CSF2RB: variants seen among roughly 807,000 people sequenced by gnomAD.
The protein encoded by CSF2RB is cytokine receptor common subunit beta.
Under a neutral mutation model 67.2 loss-of-function variants are expected in CSF2RB, and 22 were observed. The observed-to-expected ratio is 0.33, with a 90% CI of 0.23 to 0.47. The LOEUF (loss-of-function observed/expected upper bound fraction) is 0.47, where lower values mean the gene tolerates loss of function less well. Ranked by LOEUF, CSF2RB falls within the 20% of genes least tolerant of loss-of-function variation. The pLI, the probability that CSF2RB is intolerant of heterozygous loss-of-function variation, is 1.00. For missense variants in CSF2RB, 1,113 were observed against 1,174.5 expected (o/e 0.95, Z 0.76); for synonymous variants, 507 against 482.9 (o/e 1.05, Z -0.65).
At chr22:36,935,820 T>C in intron 12 of CSF2RB, 133 bp downstream of exon 12, 1 of 1,003,514 alleles carries the variant, frequency 1.0e-6, no homozygotes. Flanking sequence ...TTTGGGAGCT[T>C]TGGGAGTGGG....
chr22:36,923,985 G>C (rs972489271), intron 3 of CSF2RB, among the ~76,000 whole-genome samples: 1 of 152,078 alleles, frequency 6.6e-6, no homozygotes, highest in East Asian at 1.9e-4. Flanking sequence ...GACCAGAATC[G>C]CTCTGGGGTG....
In CSF2RB at chr22:36,937,387, G is replaced by A. The variant is rs764738075; in HGVS notation, c.1579G>A (p.Val527Ile). ...ATTTTCTTCCCACAGGGTGTTCCCTGTAGGATTCGGGGACAGCGAGGTGTC... is the reference window on the plus strand; with the variant it reads ...ATTTTCTTCCCACAGGGTGTTCCCTATAGGATTCGGGGACAGCGAGGTGTC... ...RFPELEGVFP[V>I]GFGDSEVSPL... is the part of the protein sequence containing the mutation. The change falls in exon 14 of 14, where the codon GTA becomes ATA. Residue 527 changes from valine to isoleucine, a missense_variant. This residue lies in a region of CSF2RB where 554 missense variants were observed against 517.9 expected (regional missense o/e 1.07). Coordinates refer to ENST00000403662, the MANE Select transcript of CSF2RB (RefSeq NM_000395.3). This position sits in a 1 kb window ranked among gnomAD's most constrained non-coding sequence, Gnocchi z 4.6. The A allele has an allele frequency of 4.3e-6, 7 of 1,613,626 alleles. No individual in the cohort carries two copies. In the East Asian group the frequency reaches 8.9e-5, roughly 21 times the overall value.
At chr22:36,932,989 G>T (rs1045729460) in intron 9 of CSF2RB, 85 bp downstream of exon 9, 2 of 1,558,796 alleles carry the variant, frequency 1.3e-6, no homozygotes, top group South Asian at 1.2e-5. Flanking sequence ...CCTGCAAGGC[G>T]TCGGGCCCTT....
At chr22:36,935,074 T>C (rs1251034148) in intron 10 of CSF2RB, among the ~76,000 whole-genome samples, 1 of 152,184 alleles carries the variant, frequency 6.6e-6, no homozygotes, top group Non-Finnish European at 1.5e-5. Context: ...ACAGTGGTTC[T>C]TGCCCTCCCT....
intron 3 of CSF2RB, among the ~76,000 whole-genome samples, chr22:36,925,078 C>T (rs768868456): frequency 6.6e-6 from 1 of 152,250 alleles, no homozygotes; most frequent in Non-Finnish European, 1.5e-5. Context: ...CGCTCTCACC[C>T]GAGCTGCGCT....
At chr22:36,936,731 A>G (rs1941275836) in intron 13 of CSF2RB, 79 bp downstream of exon 13, 4 of 1,280,762 alleles carry the variant, frequency 3.1e-6, no homozygotes, top group Non-Finnish European at 4.4e-6. Context: ...CAGGGACTCA[A>G]GTGAGGCTGC....
intron 1 of CSF2RB, among the ~76,000 whole-genome samples, chr22:36,920,136 C>T (rs1473722029): frequency 6.6e-6 from 1 of 152,202 alleles, no homozygotes; most frequent in Admixed American, 6.5e-5. Flanking sequence ...ATCCGTAAAA[C>T]CTTTTGAATA....
At chr22:36,925,905 G>A in intron 3 of CSF2RB, 82 bp from the exon 4 acceptor site, 6 of 1,445,906 alleles carry the variant, frequency 4.1e-6, no homozygotes, top group Non-Finnish European at 5.8e-6. Flanking sequence ...ACAGAGCCAG[G>A]CATGTGGTGA....
chr22:36,929,651 C>G lies in CSF2RB; in HGVS notation c.562C>G (p.Leu188Val), dbSNP rs1240101347. ...LQDSWEDAAILLSNTSQATLG... is the reference protein window; with the variant it reads ...LQDSWEDAAIVLSNTSQATLG... The stretch of plus-strand genomic sequence containing the variant: ...TGTCTCCTGACAGGACGCAGCCATC[C>G]TCCTCTCCAACACCTCCCAGGCCAC... Residue 188 changes from leucine (L) to valine (V), a missense_variant, in exon 6 of 14, where the codon CTC becomes GTC. Coordinates refer to ENST00000403662, the MANE Select transcript of CSF2RB (RefSeq NM_000395.3). 1 of 1,614,246 alleles carries G rather than the reference C, an allele frequency of 6.2e-7. No individual in the cohort carries two copies. Among genetic ancestry groups the G allele is most frequent in the South Asian group, 1.1e-5 (1 of 91,090 alleles).
intron 3 of CSF2RB, chr22:36,923,887 G>C (rs1317443664): frequency 1.1e-6 from 1 of 879,422 alleles, no homozygotes; most frequent in African/African-American, 1.7e-5. Context: ...CTGGGAGGGG[G>C]CTCCGCGCTC....
intron 1 of CSF2RB, among the ~76,000 whole-genome samples, chr22:36,917,706 T>C (rs1413372816): frequency 1.3e-5 from 2 of 152,160 alleles, no homozygotes; most frequent in Non-Finnish European, 2.9e-5. Context: ...GGCAGATCAC[T>C]TGAGGCCAGG....
chr22:36,930,826 G>A lies in CSF2RB; in HGVS notation c.1008G>A (p.Val336=). The part of the protein sequence containing the change: ...RRAEKHIKSS[V]NIQMAPPSLN... ...CAGAGAAACACATAAAGAGCTCAGT[G>A]AACAGTGAGTTTGCTCCTAGCCCGC... Residue 336 remains valine, a synonymous_variant, in exon 8 of 14, where the codon GTG becomes GTA. Coordinates refer to ENST00000403662, the MANE Select transcript of CSF2RB (RefSeq NM_000395.3). 1 of 1,614,184 alleles carries A rather than the reference G, an allele frequency of 6.2e-7. No individual in the cohort carries two copies. Among genetic ancestry groups the A allele is most frequent in the Non-Finnish European group, 8.5e-7 (1 of 1,180,026 alleles).
intron 4 of CSF2RB, 60 bp downstream of exon 4, chr22:36,926,237 G>A: frequency 6.4e-7 from 1 of 1,565,294 alleles, no homozygotes; most frequent in Non-Finnish European, 8.8e-7. Flanking sequence ...GGGGGCACCA[G>A]GGGTGGTCCA....
In CSF2RB at chr22:36,925,449, T is replaced by G. The variant is rs200808482; in HGVS notation, c.201-538T>G. Among the ~76,000 whole-genome samples the G allele has an allele frequency of 3.2e-4, 48 of 152,312 alleles. No individual in the cohort carries two copies. The East Asian group carries it at 7.2e-3, about 23-fold the overall frequency. On this transcript the variant is annotated intron_variant, in intron 3 of 13. Transcript: ENST00000403662. ...AATCTACAACACCTCTGCTCATGAC[T>G]GTTTCCCACTCACTCGCAGTGAGAT...
intron 10 of CSF2RB, among the ~76,000 whole-genome samples, chr22:36,934,898 C>A (rs1941235274): frequency 6.6e-6 from 1 of 152,150 alleles, no homozygotes; most frequent in Admixed American, 6.5e-5. Flanking sequence ...GGCCTGGGAG[C>A]TCAGGGCTGG....
At chr22:36,919,464 C>T (rs1228789250) in intron 1 of CSF2RB, among the ~76,000 whole-genome samples, 3 of 151,924 alleles carry the variant, frequency 2.0e-5, no homozygotes, top group South Asian at 4.1e-4. Context: ...GCCATGGCAA[C>T]GGTCTCAGCT....
chr22:36,938,721 AT>A lies in CSF2RB; in HGVS notation c.*224del. 3.5e-6 allele frequency: 2 copies of A among 566,760 alleles called. No individual in the cohort carries two copies. Among genetic ancestry groups the A allele is most frequent in the East Asian group, 2.8e-5 (1 of 35,318 alleles). The allele number at this position is 566,760 out of a possible 1,614,324, so 35.1% of individuals were successfully genotyped here. A position where few individuals can be genotyped will look rare whatever the true frequency, so the allele number is the denominator to read the frequency against. On this transcript the variant is annotated 3_prime_UTR_variant, in exon 14 of 14. Coordinates refer to ENST00000403662, the MANE Select transcript of CSF2RB (RefSeq NM_000395.3). ...CACACACACACACGTACATGCACAC[AT>A]TTTTCCTGTCAGGTTAACTTATTTG...
intron 3 of CSF2RB, among the ~76,000 whole-genome samples, chr22:36,924,297 C>T (rs1426355235): frequency 7.0e-6 from 1 of 142,446 alleles, no homozygotes; most frequent in Admixed American, 7.1e-5. Context: ...ACCGCCGGGG[C>T]CTGGGCCTGG....
At chr22:36,915,447 A>T (rs1391169972) in intron 1 of CSF2RB, among the ~76,000 whole-genome samples, 1 of 146,774 alleles carries the variant, frequency 6.8e-6, no homozygotes, top group Non-Finnish European at 1.5e-5. Flanking sequence ...TATATTCCTA[A>T]TTTTTTCACT....
Sources: gnomAD v4.1 joint callset for allele counts (sites outside exome capture counted in the v4.1 genomes callset) on GRCh38, gnomAD v4.1.1 for gene constraint, gnomAD v4.1.1 regional missense constraint, Gnocchi (gnomAD v3.1) non-coding constraint, MANE v1.5 for transcripts, NCBI Gene and HGNC (gene_info 2026-07-23, HGNC 2026-07-21) for gene names.